CCDC85A: variants seen among roughly 807,000 people sequenced by gnomAD.
CCDC85A encodes coiled-coil domain-containing protein 85A.
CCDC85A carries 38 observed loss-of-function variants against 50.2 expected under a neutral mutation model. That is an observed-to-expected ratio of 0.76 (90% confidence interval 0.58 to 0.99). The LOEUF (loss-of-function observed/expected upper bound fraction) is 0.99. CCDC85A is among the 50% of genes least tolerant of loss of function. CCDC85A has a pLI of 0.00. For synonymous variants in CCDC85A, 366 were observed against 301.4 expected, an observed-to-expected ratio of 1.21 and a Z score of -2.22; for missense variants, 820 against 742.0, an observed-to-expected ratio of 1.11 and a Z score of -1.22.
At chr2:56,364,108 G>T (rs891807549) in intron 3 of CCDC85A, among the ~76,000 whole-genome samples, 1 of 152,112 alleles carries the variant, frequency 6.6e-6, no homozygotes, top group African/African-American at 2.4e-5. Flanking sequence ...AGAAGTAGTT[G>T]CCTATGTTTC....
In CCDC85A at chr2:56,375,888, C is replaced by T. The variant is rs753991677; in HGVS notation, c.1525C>T (p.His509Tyr). 4 of 1,613,810 alleles carry T rather than the reference C, an allele frequency of 2.5e-6. No homozygotes were observed. The South Asian group carries it at 4.4e-5, about 18-fold the overall frequency. ...SPNSAASFSGHATPSQQPEPV... is the reference protein window; with the variant it reads ...SPNSAASFSGYATPSQQPEPV... Reference sequence around the variant, plus strand: ...CAACTCTGCAGCTAGCTTCAGTGGACATGCCACACCTTCCCAGCAGCCTGA... The same window carrying T: ...CAACTCTGCAGCTAGCTTCAGTGGATATGCCACACCTTCCCAGCAGCCTGA... The change falls in exon 5 of 6, where the codon CAT (histidine) becomes TAT (tyrosine). Residue 509 changes from histidine (H) to tyrosine (Y), a missense_variant. Physicochemically the swap from His to Tyr is moderately conservative, Grantham distance 83 (BLOSUM62 2). Transcript: ENST00000407595.
At chr2:56,310,359 C>G (rs1408933656) in intron 2 of CCDC85A, among the ~76,000 whole-genome samples, 1 of 152,130 alleles carries the variant, frequency 6.6e-6, no homozygotes, top group East Asian at 1.9e-4. Flanking sequence ...CATATTCTTG[C>G]AGGAATTTAG....
At chr2:56,364,912 C>G (rs992812533) in intron 3 of CCDC85A, among the ~76,000 whole-genome samples, 4 of 152,146 alleles carry the variant, frequency 2.6e-5, no homozygotes, top group Admixed American at 1.3e-4. Context: ...GTAGTCTGGC[C>G]TCACCCAAAT....
intron 2 of CCDC85A, among the ~76,000 whole-genome samples, chr2:56,320,502 C>G (rs1269983237): frequency 2.6e-5 from 4 of 152,242 alleles, no homozygotes; most frequent in South Asian, 4.1e-4. Flanking sequence ...TCAGAGAATA[C>G]TATAAACACC....
intron 2 of CCDC85A, among the ~76,000 whole-genome samples, chr2:56,327,933 A>G (rs1159574055): frequency 6.6e-6 from 1 of 151,910 alleles, no homozygotes; most frequent in Non-Finnish European, 1.5e-5. Context: ...TCCTTGCTTT[A>G]AGAACTTTTC....
chr2:56,197,901 T>C (rs1676590589), intron 2 of CCDC85A, among the ~76,000 whole-genome samples: 1 of 152,224 alleles, frequency 6.6e-6, no homozygotes. Context: ...TTTAAAGCCT[T>C]TACATCCAGA....
At chr2:56,349,686 C>T (rs1674810099) in intron 3 of CCDC85A, among the ~76,000 whole-genome samples, 1 of 152,056 alleles carries the variant, frequency 6.6e-6, no homozygotes, top group Non-Finnish European at 1.5e-5. Context: ...TAAAATATGG[C>T]CACGCTGCTG....
At chr2:56,362,394 G>A (rs1477634105) in intron 3 of CCDC85A, among the ~76,000 whole-genome samples, 1 of 151,958 alleles carries the variant, frequency 6.6e-6, no homozygotes, top group Non-Finnish European at 1.5e-5. Flanking sequence ...AGATATCAGA[G>A]CTGGAGACAA....
At chr2:56,259,278 A>G (rs1245524263) in intron 2 of CCDC85A, among the ~76,000 whole-genome samples, 1 of 152,292 alleles carries the variant, frequency 6.6e-6, no homozygotes, top group Admixed American at 6.5e-5. Context: ...CTCACCATCC[A>G]TATTCCTAGA....
chr2:56,347,255 G>A (rs1558652279), intron 3 of CCDC85A, among the ~76,000 whole-genome samples: 2 of 152,194 alleles, frequency 1.3e-5, no homozygotes, highest in Non-Finnish European at 1.5e-5. Context: ...GAGGTTAGGA[G>A]CGTCCTCCTG....
intron 3 of CCDC85A, among the ~76,000 whole-genome samples, chr2:56,352,249 A>T (rs982023572): frequency 1.2e-4 from 18 of 152,222 alleles, no homozygotes; most frequent in Admixed American, 1.2e-3. Context: ...ATATTGCCTA[A>T]ATATAAACAT....
At chr2:56,234,246 A>C (rs960679773) in intron 2 of CCDC85A, among the ~76,000 whole-genome samples, 1 of 152,126 alleles carries the variant, frequency 6.6e-6, no homozygotes, top group African/African-American at 2.4e-5. Context: ...CTCTTTTGAC[A>C]GGCATCTTGA....
chr2:56,184,448 C>A lies in CCDC85A; in HGVS notation c.-177C>A, dbSNP rs1044262530. The A allele has an allele frequency of 7.6e-6, 5 of 660,642 alleles. No individual in the cohort carries two copies. In the African/African-American group the frequency reaches 7.6e-5, roughly 10 times the overall value. The allele number at this position is 660,642 out of a possible 1,614,324, so 40.9% of individuals were successfully genotyped here. A position where few individuals can be genotyped will look rare whatever the true frequency, so the allele number is the denominator to read the frequency against. Reference sequence around the variant, plus strand: ...AGCGCGGGCGCGCGCGCGGGGATGGCGAGGTAGGATGGCCACCCAGCGCGA... The same window carrying A: ...AGCGCGGGCGCGCGCGCGGGGATGGAGAGGTAGGATGGCCACCCAGCGCGA... On this transcript the variant is annotated 5_prime_UTR_variant, in exon 1 of 6. Coordinates refer to ENST00000407595, the MANE Select transcript of CCDC85A (RefSeq NM_001080433.2).
chr2:56,262,342 A>G (rs1325024569), intron 2 of CCDC85A, among the ~76,000 whole-genome samples: 1 of 152,198 alleles, frequency 6.6e-6, no homozygotes, highest in Admixed American at 6.5e-5. Flanking sequence ...TACTGCAAAC[A>G]GAATAATAAG....
chr2:56,246,468 C>T (rs1340799908), intron 2 of CCDC85A, among the ~76,000 whole-genome samples: 1 of 150,948 alleles, frequency 6.6e-6, no homozygotes, highest in Non-Finnish European at 1.5e-5. Context: ...AGATTTATGC[C>T]TATGTTTTCT....
At chr2:56,296,755 A>C (rs974875803) in intron 2 of CCDC85A, among the ~76,000 whole-genome samples, 6 of 152,190 alleles carry the variant, frequency 3.9e-5, no homozygotes, top group Non-Finnish European at 8.8e-5. Flanking sequence ...AACTGCCTAT[A>C]ATAATGGAAA....
At chr2:56,279,531 A>G (rs758392750) in intron 2 of CCDC85A, among the ~76,000 whole-genome samples, 8 of 152,096 alleles carry the variant, frequency 5.3e-5, no homozygotes, top group Non-Finnish European at 1.2e-4. Flanking sequence ...TATTTCTACT[A>G]TTTTAACTGT....
intron 2 of CCDC85A, among the ~76,000 whole-genome samples, chr2:56,241,957 G>A (rs1439930856): frequency 1.4e-4 from 21 of 152,126 alleles, no homozygotes; most frequent in Admixed American, 1.2e-3. Flanking sequence ...TAGTATACAA[G>A]TGTTCCTTTT....
At chr2:56,185,176 C>G (rs1558571900) in intron 1 of CCDC85A, among the ~76,000 whole-genome samples, 1 of 152,172 alleles carries the variant, frequency 6.6e-6, no homozygotes, top group Admixed American at 6.5e-5. Flanking sequence ...GTGAAGGGCA[C>G]GCGAACCTTT....
Sources: allele counts gnomAD v4.1 joint callset (sites outside exome capture counted in the v4.1 genomes callset), GRCh38; gene constraint gnomAD v4.1.1; transcripts MANE v1.5; gene names NCBI Gene and HGNC (gene_info 2026-07-23, HGNC 2026-07-21).